Variants in DYM observed in about 807,000 individuals in gnomAD.
DYM encodes dyggve-Melchior-Clausen syndrome protein.
In DYM, 78 loss-of-function variants were observed where a neutral mutation model predicts 93.1. That is an observed-to-expected ratio of 0.84 (90% CI 0.70 to 1.01). The LOEUF is 1.01. DYM is among the 50% of genes least tolerant of loss of function. The probability of loss-of-function intolerance (pLI) is 0.00; values close to 1 mark genes in which losing one functional copy is unlikely to be tolerated. For missense variants in DYM, 789 were observed against 845.0 expected (o/e 0.93, Z 0.82); for synonymous variants, 321 against 319.7 (o/e 1.00, Z -0.04).
chr18:49,286,375 T>C (rs913759597), intron 9 of DYM, 59 bp downstream of exon 9: 3 of 1,571,136 alleles, frequency 1.9e-6, no homozygotes, highest in Non-Finnish European at 2.6e-6. Context: ...CAATAAACAA[T>C]ATAGAACAAG....
intron 15 of DYM, among the ~76,000 whole-genome samples, chr18:49,146,606 GA>G (rs2085172323): frequency 6.6e-6 from 1 of 152,134 alleles, no homozygotes; most frequent in African/African-American, 2.4e-5. Flanking sequence ...TTGCTTCAAA[GA>G]GAATAAAATA....
chr18:49,317,603 TCCCCCCTCC>T (rs2062071354), intron 8 of DYM, among the ~76,000 whole-genome samples: 2 of 18,112 alleles, frequency 1.1e-4, no homozygotes, highest in Admixed American at 7.7e-4. Context: ...CTCTCCCCCC[TCCCCCCTCC>T]CTCCCTCCCT....
chr18:49,198,545 A>T (rs1034618494), intron 14 of DYM, among the ~76,000 whole-genome samples: 2 of 152,236 alleles, frequency 1.3e-5, no homozygotes, highest in African/African-American at 4.8e-5. Flanking sequence ...GAAAAAAACA[A>T]CCCCATCAAA....
chr18:49,269,584 T>C (rs542978727), intron 11 of DYM, among the ~76,000 whole-genome samples: 2 of 152,110 alleles, frequency 1.3e-5, no homozygotes, highest in South Asian at 2.1e-4. Context: ...ATAAAGAAAA[T>C]GTAATACATA....
chr18:49,317,596 T>TC (rs144920853), intron 8 of DYM, among the ~76,000 whole-genome samples: 3 of 31,142 alleles, frequency 9.6e-5, no homozygotes, highest in Admixed American at 5.1e-4. Context: ...TCTCTCTCTC[T>TC]CCCCCCTCCC....
chr18:49,120,250 C>A (rs1031513745), intron 15 of DYM, among the ~76,000 whole-genome samples: 1 of 151,966 alleles, frequency 6.6e-6, no homozygotes, highest in Non-Finnish European at 1.5e-5. Context: ...TTAATAACTA[C>A]ATTAATTGCA....
intron 17 of DYM, among the ~76,000 whole-genome samples, chr18:49,083,256 T>C (rs1402532934): frequency 6.6e-6 from 1 of 152,226 alleles, no homozygotes; most frequent in Non-Finnish European, 1.5e-5. Context: ...TCTTGGTCTA[T>C]TAAAATGATC....
intron 13 of DYM, among the ~76,000 whole-genome samples, chr18:49,239,748 G>A (rs2093967777): frequency 6.6e-6 from 1 of 152,232 alleles, no homozygotes; most frequent in African/African-American, 2.4e-5. Flanking sequence ...CAGCCCAGCT[G>A]CTCTACGATG....
chr18:49,454,933 C>G (rs1331565280), intron 1 of DYM, among the ~76,000 whole-genome samples: 2 of 137,052 alleles, frequency 1.5e-5, no homozygotes, highest in African/African-American at 5.2e-5. Context: ...AAAAAAAAAT[C>G]TGCTGCGGTC....
At chr18:49,341,887 C>A (rs1244942627) in intron 6 of DYM, among the ~76,000 whole-genome samples, 1 of 152,168 alleles carries the variant, frequency 6.6e-6, no homozygotes, top group Non-Finnish European at 1.5e-5. Flanking sequence ...AAGGTGTCTG[C>A]TTTGAGAAGC....
intron 14 of DYM, among the ~76,000 whole-genome samples, chr18:49,169,137 C>T (rs984523739): frequency 2.0e-5 from 3 of 152,098 alleles, no homozygotes; most frequent in African/African-American, 7.2e-5. Context: ...GCAAAAGCAA[C>T]ACAGTTTCTG....
At chr18:49,364,444 C>CAAA (rs1298142988) in intron 5 of DYM, among the ~76,000 whole-genome samples, 3 of 138,524 alleles carry the variant, frequency 2.2e-5, no homozygotes, top group African/African-American at 8.0e-5. Context: ...GACTGTGTCT[C>CAAA]AAAAAAAAAA....
At chr18:49,195,130 G>A (rs2091324203) in intron 14 of DYM, among the ~76,000 whole-genome samples, 1 of 151,892 alleles carries the variant, frequency 6.6e-6, no homozygotes, top group Admixed American at 6.6e-5. Flanking sequence ...TTTTTTTCAT[G>A]CTTTTATTTA....
At chr18:49,158,953 A>C (rs1464085334) in intron 15 of DYM, among the ~76,000 whole-genome samples, 1 of 152,212 alleles carries the variant, frequency 6.6e-6, no homozygotes, top group Non-Finnish European at 1.5e-5. Flanking sequence ...TACCCCATTC[A>C]TCCTGATATT....
chr18:49,410,747 C>G (rs749333649), intron 2 of DYM, among the ~76,000 whole-genome samples: 35 of 151,658 alleles, frequency 2.3e-4, no homozygotes, highest in Non-Finnish European at 3.5e-4. Flanking sequence ...GCCCTCCAGC[C>G]TGGCCAATAC....
chr18:49,333,596 T>C (rs1173128852), intron 7 of DYM, 132 bp downstream of exon 7: 3 of 1,025,686 alleles, frequency 2.9e-6, no homozygotes, highest in Non-Finnish European at 4.4e-6. Flanking sequence ...TGCACTGGGT[T>C]TAAAGAGACA....
Position 49,430,254 on chromosome 18 carries a change from C to T in DYM, c.140+1G>A, listed in dbSNP as rs2074682753. The T allele has an allele frequency of 6.2e-7, 1 of 1,613,636 alleles. No individual in the cohort carries two copies. The highest frequency in any genetic ancestry group is 1.1e-5 in the South Asian group (1 of 91,080). ...TTTTCAATCTCCAGGCAATCTCTTA[C>T]CTGCTAGTTGGTGCAGGGAAAGAAA... On this transcript the variant is annotated splice_donor_variant, in intron 2 of 17. Coordinates refer to ENST00000675505, the MANE Select transcript of DYM (RefSeq NM_001353214.3). LOFTEE classifies it high-confidence loss of function.
chr18:49,127,898 C>A (rs982910875), intron 15 of DYM, among the ~76,000 whole-genome samples: 1 of 152,260 alleles, frequency 6.6e-6, no homozygotes, highest in Non-Finnish European at 1.5e-5. Context: ...GAGGGGGAGG[C>A]GGTGAGCAGA....
At chr18:49,275,093 G>A (rs1464051946) in intron 10 of DYM, among the ~76,000 whole-genome samples, 1 of 152,014 alleles carries the variant, frequency 6.6e-6, no homozygotes, top group Non-Finnish European at 1.5e-5. Context: ...TCTTCTAAGA[G>A]GTTTATAGTT....
Sources: allele counts gnomAD v4.1 joint callset (sites outside exome capture counted in the v4.1 genomes callset), GRCh38; gene constraint gnomAD v4.1.1; transcripts MANE v1.5; gene names NCBI Gene and HGNC (gene_info 2026-07-23, HGNC 2026-07-21).